The following TAFA2 variants were observed in gnomAD, a reference collection of about 807,000 sequenced individuals.
The protein encoded by TAFA2 is chemokine-like protein TAFA-2.
TAFA2 carries 7 observed loss-of-function variants against 18.8 expected under a neutral mutation model. The ratio of observed to expected loss-of-function variants is 0.37; its 90% CI spans 0.21 to 0.70. TAFA2 has a LOEUF of 0.70. TAFA2 is among the 30% of genes least tolerant of loss of function. TAFA2 has a pLI of 0.53. For missense variants in TAFA2, 122 were observed against 158.1 expected (o/e 0.77, Z 1.23); for synonymous variants, 60 against 54.2 (o/e 1.11, Z -0.47).
chr12:62,258,678 G>C, intron 1 of TAFA2: 1 of 266,318 alleles, frequency 3.8e-6, no homozygotes, highest in Non-Finnish European at 7.8e-6. Context: ...AATCCCTTAA[G>C]GTAGGTATTA....
intron 2 of TAFA2, among the ~76,000 whole-genome samples, chr12:61,786,754 T>C (rs1309213352): frequency 6.6e-6 from 1 of 151,546 alleles, no homozygotes; most frequent in Non-Finnish European, 1.5e-5. Flanking sequence ...AGTATACTAT[T>C]ATAAGGTTTT....
intron 1 of TAFA2, among the ~76,000 whole-genome samples, chr12:62,007,527 A>T (rs1314861234): frequency 1.3e-5 from 2 of 152,174 alleles, no homozygotes; most frequent in Non-Finnish European, 2.9e-5. Flanking sequence ...AAGTAAATGA[A>T]CTTATCAGGA....
intron 2 of TAFA2, among the ~76,000 whole-genome samples, chr12:61,794,611 C>T (rs1029960634): frequency 1.3e-5 from 2 of 151,826 alleles, no homozygotes; most frequent in Non-Finnish European, 2.9e-5. Flanking sequence ...TCTTTAGGTC[C>T]ATTGTAATCC....
intron 2 of TAFA2, among the ~76,000 whole-genome samples, chr12:61,859,303 G>A (rs1316880987): frequency 1.3e-5 from 2 of 152,148 alleles, no homozygotes; most frequent in Non-Finnish European, 1.5e-5. Context: ...AAAAGCATGC[G>A]GGAAACCGCC....
intron 2 of TAFA2, among the ~76,000 whole-genome samples, chr12:61,784,194 G>A (rs755108934): frequency 5.3e-5 from 8 of 151,544 alleles, no homozygotes; most frequent in Non-Finnish European, 1.0e-4. Flanking sequence ...TTTACAAAAA[G>A]ATAGGGAGCT....
chr12:61,978,717 G>T (rs980413209), intron 1 of TAFA2, among the ~76,000 whole-genome samples: 3 of 152,102 alleles, frequency 2.0e-5, no homozygotes, highest in African/African-American at 7.2e-5. Context: ...AGAACGCCTG[G>T]AGAAGCAGGA....
chr12:61,921,550 G>A (rs12816402), intron 1 of TAFA2, among the ~76,000 whole-genome samples: 1 of 152,118 alleles, frequency 6.6e-6, no homozygotes, highest in African/African-American at 2.4e-5. Context: ...GTGGGGTATG[G>A]TGTGGTGTGG....
At chr12:61,736,198 T>C (rs2120677350) in intron 4 of TAFA2, among the ~76,000 whole-genome samples, 1 of 152,128 alleles carries the variant, frequency 6.6e-6, no homozygotes, top group East Asian at 1.9e-4. Context: ...ATTGCCTCCA[T>C]GGGTTAAGTG....
intron 1 of TAFA2, among the ~76,000 whole-genome samples, chr12:61,873,089 T>C (rs1220166219): frequency 6.6e-6 from 1 of 152,172 alleles, no homozygotes; most frequent in East Asian, 1.9e-4. Flanking sequence ...AATGAAGAAA[T>C]AGGTGTATTA....
chr12:61,861,613 C>T (rs1159431740), intron 2 of TAFA2, among the ~76,000 whole-genome samples: 1 of 152,050 alleles, frequency 6.6e-6, no homozygotes, highest in Non-Finnish European at 1.5e-5. Context: ...AGACACTCCC[C>T]ATATATTTCA....
chr12:61,892,668 C>T (rs1875686762), intron 1 of TAFA2, among the ~76,000 whole-genome samples: 1 of 152,148 alleles, frequency 6.6e-6, no homozygotes, highest in Non-Finnish European at 1.5e-5. Flanking sequence ...AAAACTCCGT[C>T]TCTACTAAAA....
intron 4 of TAFA2, among the ~76,000 whole-genome samples, chr12:61,737,041 A>G (rs1271082435): frequency 2.6e-5 from 4 of 152,040 alleles, no homozygotes; most frequent in African/African-American, 7.2e-5. Flanking sequence ...GTCAGTTAGT[A>G]TTGTAGTCCA....
rs1313957044 is a variant in TAFA2, at chr12:61,821,166, A to ACAT, written c.106+46153_106+46154insATG. 1.2e-4 allele frequency among the ~76,000 whole-genome samples: 15 copies of ACAT among 120,660 alleles called. No homozygotes were observed. In the South Asian group the frequency reaches 1.3e-3, roughly 11 times the overall value. 79.2% of individuals were successfully genotyped at this position (120,660 alleles called of 152,430 possible). On this transcript the variant is annotated intron_variant, in intron 2 of 4. Coordinates refer to ENST00000416284, the MANE Select transcript of TAFA2 (RefSeq NM_178539.5). ...ACACACACACACACACACACACACA[A>ACAT]TTATTTGGAGGGTGCTGAAACATCT...
intron 2 of TAFA2, among the ~76,000 whole-genome samples, chr12:61,758,946 T>C (rs1390969046): frequency 1.3e-5 from 2 of 151,974 alleles, no homozygotes; most frequent in African/African-American, 4.8e-5. Context: ...TAAGGTGAGA[T>C]AGCTTCTGGG....
Position 62,225,546 on chromosome 12 carries a change from C to A in TAFA2, c.-130+33217G>T, listed in dbSNP as rs568065298. Among the ~76,000 whole-genome samples, 166 of 151,732 alleles carry A rather than the reference C, an allele frequency of 1.1e-3. 3 individuals carry two copies. In the South Asian group the frequency reaches 0.012, roughly 11 times the overall value. ...TAATTTTTTAAATACATGAAAAAAA[C>A]CCAACAAAGTTAAAAACTGGAGAAA... On this transcript the variant is annotated intron_variant, in intron 1 of 5. Transcript: ENST00000551619.
upstream of TAFA2, among the ~76,000 whole-genome samples, chr12:62,197,071 A>G (rs1191404051): frequency 2.0e-5 from 3 of 152,266 alleles, no homozygotes; most frequent in East Asian, 1.9e-4. Flanking sequence ...CCTGAACCCT[A>G]TTGTAAACTG....
rs963071644 is a variant in TAFA2 at position 62,061,517 on chromosome 12, A to G, written c.-2+129742T>C. Among the ~76,000 whole-genome samples, 6 of 152,366 alleles carry G rather than the reference A, an allele frequency of 3.9e-5. No individual in the cohort carries two copies. In the East Asian group the frequency reaches 7.7e-4, roughly 20 times the overall value. On this transcript the variant is annotated intron_variant, in intron 1 of 4. Coordinates refer to ENST00000416284, the MANE Select transcript of TAFA2 (RefSeq NM_178539.5). The stretch of plus-strand genomic sequence containing the variant: ...CTAACAGCGCATTTTTTCAGAACAT[A>G]TCTCCATCGTTAAGAGATATAAGAC...
intron 1 of TAFA2, among the ~76,000 whole-genome samples, chr12:61,961,344 A>G (rs1021461895): frequency 2.6e-5 from 4 of 151,912 alleles, no homozygotes; most frequent in African/African-American, 9.7e-5. Context: ...TCAACTATCA[A>G]CTTAAGTCTA....
intron 2 of TAFA2, among the ~76,000 whole-genome samples, chr12:61,777,988 A>T (rs1452509782): frequency 1.3e-5 from 2 of 151,754 alleles, no homozygotes; most frequent in Non-Finnish European, 2.9e-5. Flanking sequence ...AGGAAAAGGG[A>T]TAACTGGGAG....
Sources: allele counts gnomAD v4.1 joint callset (sites outside exome capture counted in the v4.1 genomes callset), GRCh38; gene constraint gnomAD v4.1.1; transcripts MANE v1.5; gene names NCBI Gene and HGNC (gene_info 2026-07-23, HGNC 2026-07-21).